The following CALN1 variants were observed in gnomAD, a reference collection of about 807,000 sequenced individuals.
CALN1 encodes the protein calcium-binding protein 8.
In CALN1, 17 loss-of-function variants were observed where a neutral mutation model predicts 30.6. That is an observed-to-expected ratio of 0.56 (90% confidence interval 0.38 to 0.83). The LOEUF (loss-of-function observed/expected upper bound fraction) is 0.83. CALN1 is among the 40% of genes least tolerant of loss of function. The pLI is 0.00. For missense variants in CALN1, 291 were observed against 354.9 expected, an observed-to-expected ratio of 0.82 and a Z score of 1.45; for synonymous variants, 156 against 131.4, an observed-to-expected ratio of 1.19 and a Z score of -1.28.
chr7:71,954,568 C>A (rs1034502611), intron 5 of CALN1, among the ~76,000 whole-genome samples: 5 of 152,206 alleles, frequency 3.3e-5, no homozygotes, highest in African/African-American at 1.2e-4. Context: ...AGGAGGACTG[C>A]ACGAGCCTGG....
At chr7:72,219,384 A>C (rs1793094704) in intron 3 of CALN1, among the ~76,000 whole-genome samples, 1 of 151,954 alleles carries the variant, frequency 6.6e-6, no homozygotes, top group African/African-American at 2.4e-5. Context: ...TTCCACCACA[A>C]CTGGCTAATT....
chr7:71,939,502 G>A (rs530384812), intron 5 of CALN1, among the ~76,000 whole-genome samples: 1 of 151,914 alleles, frequency 6.6e-6, no homozygotes, highest in South Asian at 2.1e-4. Context: ...GAACCTGGGA[G>A]GCAGAGGTTG....
chr7:72,291,015 C>T (rs1211855455), intron 2 of CALN1, among the ~76,000 whole-genome samples: 1 of 151,860 alleles, frequency 6.6e-6, no homozygotes, highest in East Asian at 1.9e-4. Context: ...CCTCTGCCTC[C>T]CGGGTTCAAG....
rs986826412 is a variant in CALN1 at position 72,318,023 on chromosome 7, T to C, written c.120-39213A>G. 5.3e-4 allele frequency among the ~76,000 whole-genome samples: 80 copies of C among 152,222 alleles called. 1 individual carries two copies. The highest frequency in any genetic ancestry group is 1.8e-3 in the African/African-American group (75 of 41,452). ...ATGGGACCTGAGTGTTATTTCTGAT[T>C]GAGCGTCTATGGCTGCTCACAGGGA... is the stretch of plus-strand genomic sequence containing the variant. On this transcript the variant is annotated intron_variant, in intron 2 of 6. Transcript: ENST00000395275.
intron 3 of CALN1, among the ~76,000 whole-genome samples, chr7:72,218,815 G>A (rs138286058): frequency 1.3e-4 from 20 of 152,292 alleles, no homozygotes; most frequent in Non-Finnish European, 1.8e-4. Flanking sequence ...TATGTCCAAA[G>A]CACGGTTTTC....
rs574878442 is a variant in CALN1, at chr7:72,084,745, G to C, written c.388+21406C>G. On this transcript the variant is annotated intron_variant, in intron 4 of 6. Transcript: ENST00000395275. ...ACTGGATTTAATCAAAGTTTCAAAT[G>C]TCTGCTCATCAAAAGATACTACAGT... is the stretch of plus-strand genomic sequence containing the variant. Among the ~76,000 whole-genome samples the C allele has an allele frequency of 3.3e-5, 5 of 152,244 alleles. No individual in the cohort carries two copies. The East Asian group carries it at 9.7e-4, about 29-fold the overall frequency.
At chr7:71,834,423 G>T (rs1789490361) in intron 5 of CALN1, among the ~76,000 whole-genome samples, 1 of 144,886 alleles carries the variant, frequency 6.9e-6, no homozygotes, top group South Asian at 2.2e-4. Context: ...GAGTAGAAAA[G>T]AAATACGTAT....
At chr7:72,307,869 G>C (rs1444304056) in intron 2 of CALN1, among the ~76,000 whole-genome samples, 1 of 146,864 alleles carries the variant, frequency 6.8e-6, no homozygotes, top group African/African-American at 2.5e-5. Context: ...GAGGGTCCCA[G>C]ACGACAAGAG....
intron 2 of CALN1, among the ~76,000 whole-genome samples, chr7:72,376,236 T>C (rs2129560574): frequency 6.6e-6 from 1 of 152,368 alleles, no homozygotes; most frequent in Middle Eastern, 3.4e-3. Flanking sequence ...ACATGTGTTT[T>C]CAATTCTTTT....
intron 3 of CALN1, among the ~76,000 whole-genome samples, chr7:72,248,342 A>C (rs1017441019): frequency 1.3e-5 from 2 of 151,906 alleles, no homozygotes; most frequent in Non-Finnish European, 2.9e-5. Context: ...CTAGAACTCC[A>C]CCCACCTTGG....
chr7:72,499,079 G>A, the CALN1 span, among the ~76,000 whole-genome samples: 2 of 152,114 alleles, frequency 1.3e-5, no homozygotes, highest in Non-Finnish European at 2.9e-5. Context: ...AACCCAGGCT[G>A]GAGTGCAGTG....
intron 2 of CALN1, chr7:72,337,223 G>A (rs1023877195): frequency 5.1e-6 from 5 of 984,494 alleles, no homozygotes; most frequent in Non-Finnish European, 4.8e-6. Flanking sequence ...CCTTGCCGCC[G>A]ACAGCACCAC....
At chr7:72,281,047 G>A (rs1200008824) in intron 2 of CALN1, among the ~76,000 whole-genome samples, 1 of 151,946 alleles carries the variant, frequency 6.6e-6, no homozygotes, top group Non-Finnish European at 1.5e-5. Flanking sequence ...GGGATACTGA[G>A]GCAGAAGAAT....
chr7:72,392,724 C>G (rs1382697997), intron 2 of CALN1, among the ~76,000 whole-genome samples: 1 of 152,034 alleles, frequency 6.6e-6, no homozygotes, highest in Non-Finnish European at 1.5e-5. Flanking sequence ...ATCTGTAATC[C>G]CAGCAGTTTG....
intron 6 of CALN1, among the ~76,000 whole-genome samples, chr7:71,800,487 T>C (rs1189131318): frequency 6.6e-6 from 1 of 152,178 alleles, no homozygotes; most frequent in Non-Finnish European, 1.5e-5. Flanking sequence ...TCGCTTTACT[T>C]GCCTCTCCCG....
rs1236888187 is a variant in CALN1, at chr7:72,148,962, AAGGG to A, written c.245-42672_245-42669del. Among the ~76,000 whole-genome samples, 37 of 138,278 alleles carry A rather than the reference AAGGG, an allele frequency of 2.7e-4. No homozygotes were observed. In the Middle Eastern group the frequency reaches 0.014, roughly 54 times the overall value. The allele number at this position is 138,278 out of a possible 152,430, so 90.7% of individuals were successfully genotyped here. ...GAAGGAAGGAAGGAAGGAAAGAAGG[AAGGG>A]AGGGAGGGAGGGAGGGAGGAAGGAA... On this transcript the variant is annotated intron_variant, in intron 3 of 6. Coordinates refer to ENST00000395275, the MANE Select transcript of CALN1 (RefSeq NM_031468.4).
At chr7:72,061,465 A>C (rs1803640820) in intron 4 of CALN1, among the ~76,000 whole-genome samples, 4 of 152,122 alleles carry the variant, frequency 2.6e-5, no homozygotes, top group Admixed American at 2.0e-4. Flanking sequence ...GAAAATAGAA[A>C]GTCTAGACAA....
chr7:72,362,309 A>G (rs1052576399), intron 2 of CALN1, among the ~76,000 whole-genome samples: 14 of 152,194 alleles, frequency 9.2e-5, no homozygotes, highest in Non-Finnish European at 1.3e-4. Context: ...CAGTGAAGAT[A>G]TAGAAGATTT....
At chr7:72,286,286 C>T (rs998363121) in intron 2 of CALN1, among the ~76,000 whole-genome samples, 3 of 152,124 alleles carry the variant, frequency 2.0e-5, no homozygotes, top group Admixed American at 2.0e-4. Flanking sequence ...ATCTCTTCCA[C>T]CACTGTGAAG....
Sources: gnomAD v4.1 joint callset for allele counts (sites outside exome capture counted in the v4.1 genomes callset) on GRCh38, gnomAD v4.1.1 for gene constraint, MANE v1.5 for transcripts, NCBI Gene and HGNC (gene_info 2026-07-23, HGNC 2026-07-21) for gene names.